The following ANKRD36C variants were observed in gnomAD, a reference collection of about 807,000 sequenced individuals.
The protein encoded by ANKRD36C is ankyrin repeat domain 36C.
ANKRD36C carries 61 observed loss-of-function variants against 276.4 expected under a neutral mutation model. The observed-to-expected ratio is 0.22, with a 90% confidence interval of 0.18 to 0.27. The LOEUF is 0.27. Ranked by LOEUF, ANKRD36C falls within the 10% of genes least tolerant of loss-of-function variation. The pLI is 1.00. For missense variants in ANKRD36C, 1,447 were observed against 2,032.3 expected (o/e 0.71, Z 5.54); for synonymous variants, 483 against 680.1 (o/e 0.71, Z 4.51).
chr2:95,893,970 A>C lies in ANKRD36C; in HGVS notation c.2756-2110T>G, dbSNP rs186405272. 6.6e-3 allele frequency among the ~76,000 whole-genome samples: 1,007 copies of C among 151,548 alleles called. 13 individuals carry two copies. Among genetic ancestry groups the C allele is most frequent in the African/African-American group, 0.022 (913 of 41,438 alleles). ...GATTTCTCATATGTCAAAAACTAAA[A>C]TAAAACCGTGTCAATCTCAATGTGC... is the stretch of plus-strand genomic sequence containing the variant. On this transcript the variant is annotated intron_variant, in intron 44 of 66. Transcript: ENST00000456556.
At chr2:95,894,894 C>G (rs1280150987) in intron 44 of ANKRD36C, among the ~76,000 whole-genome samples, 1 of 150,862 alleles carries the variant, frequency 6.6e-6, no homozygotes, top group Admixed American at 6.6e-5. Flanking sequence ...GCAGTAACCC[C>G]AAAATTATAT....
intron 26 of ANKRD36C, 100 bp downstream of exon 26, chr2:95,928,972 A>T: frequency 6.4e-7 from 1 of 1,553,424 alleles, no homozygotes; most frequent in South Asian, 1.1e-5. Context: ...ACTGAATCAG[A>T]ACATGCAGCT....
chr2:95,902,908 C>G lies in ANKRD36C; in HGVS notation c.2654-3572G>C, dbSNP rs981662244. The G allele has an allele frequency of 4.4e-6, 7 of 1,585,864 alleles. No individual in the cohort carries two copies. In the African/African-American group the frequency reaches 8.1e-5, roughly 18 times the overall value. On this transcript the variant is annotated intron_variant, in intron 42 of 66. Coordinates refer to ENST00000456556, the Ensembl canonical transcript of ANKRD36C. The stretch of plus-strand genomic sequence containing the variant: ...TACCTCTCCTAGTTTTTTCTCCATA[C>G]TTTTTTCCTCTGGCTATATTCAAAA...
rs561594496 is a variant in ANKRD36C, at chr2:95,910,649, A to C, written c.2653+1595T>G. The C allele has an allele frequency of 1.4e-5, 22 of 1,593,316 alleles. No homozygotes were observed. In the African/African-American group the frequency reaches 2.7e-4, roughly 20 times the overall value. On this transcript the variant is annotated intron_variant, in intron 42 of 66. Coordinates refer to ENST00000456556, the Ensembl canonical transcript of ANKRD36C. ...ATACATTCATGCAGCGTTAGCATCA[A>C]ACTCTGTCCTCCTGCCTGTATTAGC... is the stretch of plus-strand genomic sequence containing the variant.
At chr2:95,919,589 T>C in intron 34 of ANKRD36C, 144 bp downstream of exon 36, 1 of 413,488 alleles carries the variant, frequency 2.4e-6, no homozygotes, top group Non-Finnish European at 3.2e-6. Flanking sequence ...AGAAATTTAT[T>C]ACAAATGAAA....
chr2:95,974,979 A>G (rs1678776581), intron 6 of ANKRD36C, among the ~76,000 whole-genome samples: 2 of 152,070 alleles, frequency 1.3e-5, no homozygotes, highest in South Asian at 2.1e-4. Context: ...CAAAGGACAT[A>G]AACTCATCAT....
At chr2:95,916,467 G>A (rs924968451) in intron 36 of ANKRD36C, among the ~76,000 whole-genome samples, 1 of 151,616 alleles carries the variant, frequency 6.6e-6, no homozygotes, top group African/African-American at 2.4e-5. Context: ...GAGGACAAAT[G>A]TGATCTAAAA....
At chr2:95,910,656 T>C in intron 42 of ANKRD36C, 88 bp from the exon 45 acceptor site, 1 of 1,588,228 alleles carries the variant, frequency 6.3e-7, no homozygotes, top group Non-Finnish European at 8.5e-7. Flanking sequence ...TCAAACTCTG[T>C]CCTCCTGCCT....
intron 44 of ANKRD36C, 29 bp downstream of exon 63, chr2:95,893,667 G>A (rs779033460): frequency 6.7e-5 from 107 of 1,601,608 alleles, no homozygotes; most frequent in South Asian, 4.1e-4. Context: ...ACATTAACTC[G>A]TTCACAATAT....
At chr2:95,891,227 A>G (rs1433009865) in intron 46 of ANKRD36C, among the ~76,000 whole-genome samples, 1 of 150,660 alleles carries the variant, frequency 6.6e-6, no homozygotes, top group African/African-American at 2.4e-5. Flanking sequence ...TTAGGAAAAT[A>G]GTTGCTACAC....
intron 1 of ANKRD36C, among the ~76,000 whole-genome samples, 166 bp downstream of exon 1, chr2:95,991,346 C>A (rs1234169372): frequency 9.7e-6 from 1 of 103,396 alleles, no homozygotes; most frequent in Non-Finnish European, 2.0e-5. Context: ...TATACCGCCA[C>A]TCCCCAGGCC....
chr2:95,968,306 T>C (rs1344371724), intron 6 of ANKRD36C, among the ~76,000 whole-genome samples: 1 of 152,242 alleles, frequency 6.6e-6, no homozygotes, highest in Non-Finnish European at 1.5e-5. Context: ...GTGCTTAGCA[T>C]ATACTTATCA....
chr2:95,903,245 T>A lies in ANKRD36C; in HGVS notation c.2654-3909A>T, dbSNP rs181677662. 6.0e-5 allele frequency among the ~76,000 whole-genome samples: 9 copies of A among 150,602 alleles called. 1 individual carries two copies. The highest frequency in any genetic ancestry group is 1.0e-4 in the Non-Finnish European group (7 of 67,332). On this transcript the variant is annotated intron_variant, in intron 42 of 66. Coordinates refer to ENST00000456556, the Ensembl canonical transcript of ANKRD36C. ...GGACTAGAACATGACGGAAATATGC[T>A]GAGAAAAGGGAATACAGGCTCCACG...
intron 6 of ANKRD36C, among the ~76,000 whole-genome samples, chr2:95,963,944 A>AATATATATATATAT (rs1192310791): frequency 1.2e-5 from 1 of 82,696 alleles, no homozygotes; most frequent in African/African-American, 4.2e-5. Flanking sequence ...TACATATATA[A>AATATATATATATAT]ATATATATAT....
chr2:95,921,789 G>C lies in ANKRD36C; in HGVS notation c.2165C>G (p.Ala722Gly), dbSNP rs552188086. The C allele has an allele frequency of 3.7e-5, 60 of 1,602,164 alleles. No homozygotes were observed. In the South Asian group the frequency reaches 6.3e-4, roughly 17 times the overall value. Residue 722 changes from alanine (A) to glycine (G), a missense_variant, in exon 33 of 67, where the codon GCC becomes GGC. By Grantham distance (60) the Ala-to-Gly change is moderately conservative. Coordinates refer to ENST00000456556, the Ensembl canonical transcript of ANKRD36C. ...AAATGAAAGTTTAATTACCTTCAAGGCTGGTTGTTTCTGAGAAGACACTGA... is the reference window on the plus strand; with the variant it reads ...AAATGAAAGTTTAATTACCTTCAAGCCTGGTTGTTTCTGAGAAGACACTGA...
At chr2:95,916,407 G>T (rs761811287) in intron 36 of ANKRD36C, among the ~76,000 whole-genome samples, 1 of 151,464 alleles carries the variant, frequency 6.6e-6, no homozygotes, top group Non-Finnish European at 1.5e-5. Context: ...GTCATGTGTC[G>T]AAAACTAAAA....
At chr2:95,986,707 A>C in intron 3 of ANKRD36C, 44 bp downstream of exon 3, 1 of 1,526,590 alleles carries the variant, frequency 6.6e-7, no homozygotes, top group South Asian at 1.3e-5. Context: ...TGTTAAAATA[A>C]ATGCATTTCA....
At chr2:95,954,328 C>A (rs962905214) in intron 13 of ANKRD36C, among the ~76,000 whole-genome samples, 20 of 152,108 alleles carry the variant, frequency 1.3e-4, no homozygotes, top group African/African-American at 4.8e-4. Flanking sequence ...TATAAATTAT[C>A]TACCATAAAG....
At chr2:95,929,735 C>T (rs967580761) in intron 24 of ANKRD36C, among the ~76,000 whole-genome samples, 5 of 151,454 alleles carry the variant, frequency 3.3e-5, no homozygotes, top group Non-Finnish European at 5.9e-5. Flanking sequence ...TGAGAAGGTA[C>T]ACAATTATAA....
Sources: allele counts gnomAD v4.1 joint callset (sites outside exome capture counted in the v4.1 genomes callset), GRCh38; gene constraint gnomAD v4.1.1; transcripts MANE v1.5; gene names NCBI Gene and HGNC (gene_info 2026-07-23, HGNC 2026-07-21).